MCF2L: variants seen among roughly 807,000 people sequenced by gnomAD.
MCF2L encodes MCF.2 cell line derived transforming sequence like.
MCF2L carries 97 observed loss-of-function variants against 153.4 expected under a neutral mutation model. That is an observed-to-expected ratio of 0.63 (90% CI 0.54 to 0.75). The LOEUF (loss-of-function observed/expected upper bound fraction) is 0.75, where lower values mean the gene tolerates loss of function less well. Ranked by LOEUF, MCF2L falls within the 30% of genes least tolerant of loss-of-function variation. MCF2L has a pLI of 0.00. For synonymous variants in MCF2L, 659 were observed against 632.2 expected (o/e 1.04, Z -0.64); for missense variants, 1,347 against 1,495.2 (o/e 0.90, Z 1.64).
chr13:113,064,444 G>C lies in MCF2L; in HGVS notation c.606+24G>C. The C allele has an allele frequency of 6.7e-7, 1 of 1,501,628 alleles. No individual in the cohort carries two copies. The highest frequency in any genetic ancestry group is 9.2e-7 in the Non-Finnish European group (1 of 1,081,578). 93.0% of individuals were successfully genotyped at this position (1,501,628 alleles called of 1,614,324 possible). On this transcript the variant is annotated intron_variant, in intron 6 of 29. Transcript: ENST00000535094. The surrounding 1 kb of genome is among the most constrained non-coding windows in gnomAD (Gnocchi z 6.0). ...CGGTGAGCCGCGTCGGGGCCAGCGG[G>C]GCTGGCTGATACCAGCTCGAGTACT...
At chr13:113,006,463 T>A (rs1301670856) in intron 1 of MCF2L, among the ~76,000 whole-genome samples, 4 of 152,210 alleles carry the variant, frequency 2.6e-5, no homozygotes, top group Non-Finnish European at 5.9e-5. Flanking sequence ...GGTCCTCATC[T>A]GAACCCCGAG....
At position 113,045,488 on chromosome 13, in the gene MCF2L, C is replaced by A; in HGVS notation, c.369+127C>A. 3.6e-6 allele frequency: 3 copies of A among 844,066 alleles called. No individual in the cohort carries two copies. Among genetic ancestry groups the A allele is most frequent in the Non-Finnish European group, 5.7e-6 (3 of 525,736 alleles). 52.3% of individuals were successfully genotyped at this position (844,066 alleles called of 1,614,324 possible). A position where few individuals can be genotyped will look rare whatever the true frequency, so the allele number is the denominator to read the frequency against. On this transcript the variant is annotated intron_variant, in intron 4 of 29. Coordinates refer to ENST00000535094, the MANE Select transcript of MCF2L (RefSeq NM_001112732.3). The surrounding 1 kb of genome is among the most constrained non-coding windows in gnomAD (Gnocchi z 4.2). ...TGAGTGGGACAGAGCCCAGTCCCGG[C>A]GGGTGGAGGCCGGCGCCAAGGCCCC...
intron 4 of MCF2L, among the ~76,000 whole-genome samples, chr13:113,058,918 T>C (rs1454714901): frequency 6.6e-6 from 1 of 151,832 alleles, no homozygotes; most frequent in Non-Finnish European, 1.5e-5. Context: ...AGGTGCTGAG[T>C]GTTTGGGTGC....
chr13:112,898,331 G>A (rs1051174671), intron 1 of MCF2L, among the ~76,000 whole-genome samples: 4 of 152,220 alleles, frequency 2.6e-5, no homozygotes, highest in South Asian at 2.1e-4. Context: ...CGCTCTACCC[G>A]AGCTGGTTGC....
chr13:112,969,037 G>A (rs529045760), upstream of MCF2L, among the ~76,000 whole-genome samples: 25 of 150,454 alleles, frequency 1.7e-4, no homozygotes, highest in Admixed American at 1.6e-3. This position sits in a 1 kb window ranked among gnomAD's most constrained non-coding sequence, Gnocchi z 4.8. Flanking sequence ...GAGCCCCGGG[G>A]CTCCCCGACG....
At position 112,941,337 on chromosome 13, in the gene MCF2L, T is replaced by C. The variant is rs2140666789; in HGVS notation, c.169+38966T>C. On this transcript the variant is annotated intron_variant, in intron 2 of 29. Coordinates refer to the MCF2L transcript ENST00000375608. The surrounding 1 kb of genome is among the most constrained non-coding windows in gnomAD (Gnocchi z 4.9). ...TATATATTTCATATTATATATTATA[T>C]ATAATTCAAATAGAAATTATATCAA... Among the ~76,000 whole-genome samples the C allele has an allele frequency of 6.7e-6, 1 of 148,918 alleles. No homozygotes were observed. Among genetic ancestry groups the C allele is most frequent in the African/African-American group, 2.4e-5 (1 of 40,992 alleles).
At chr13:112,931,309 A>G (rs544701009) in intron 2 of MCF2L, among the ~76,000 whole-genome samples, 7 of 152,340 alleles carry the variant, frequency 4.6e-5, no homozygotes, top group Non-Finnish European at 1.0e-4. Context: ...AAGAAGCCAC[A>G]CAAACGCCCC....
At chr13:113,095,401 G>A in intron 27 of MCF2L, 1 of 1,105,572 alleles carries the variant, frequency 9.0e-7, no homozygotes, top group Non-Finnish European at 1.1e-6. Flanking sequence ...CGTGAGAACA[G>A]ATGTGGGGGA....
At chr13:112,970,828 T>G (rs1280579861) in intron 1 of MCF2L, among the ~76,000 whole-genome samples, 1 of 152,172 alleles carries the variant, frequency 6.6e-6, no homozygotes, top group Non-Finnish European at 1.5e-5. Flanking sequence ...GCAGTGACAC[T>G]GTCTGCTCAC....
upstream of MCF2L, among the ~76,000 whole-genome samples, chr13:112,966,694 G>A (rs111949325): frequency 0.013 from 1,954 of 152,326 alleles, 37 homozygotes; most frequent in African/African-American, 0.045. This position sits in a 1 kb window ranked among gnomAD's most constrained non-coding sequence, Gnocchi z 4.1. Flanking sequence ...GAGGAAAGAA[G>A]CCAATAGCAT....
Position 113,078,385 on chromosome 13 carries a change from C to T in MCF2L, c.1683C>T (p.Asn561=). The T allele has an allele frequency of 6.2e-7, 1 of 1,613,354 alleles. No individual in the cohort carries two copies. Among genetic ancestry groups the T allele is most frequent in the South Asian group, 1.1e-5 (1 of 91,068 alleles). ...PSPGIRRGSE[N]SSSEGGALRR... ...CAGGCATTCGGCGAGGCTCTGAGAA[C>T]TCCAGCTCCGAGGGCGGTGCGCTCC... Residue 561 remains asparagine, a synonymous_variant, in exon 14 of 30, where the codon AAC becomes AAT. Coordinates refer to ENST00000535094, the MANE Select transcript of MCF2L (RefSeq NM_001112732.3).
intron 1 of MCF2L, among the ~76,000 whole-genome samples, chr13:113,013,328 G>A (rs1457864245): frequency 6.6e-6 from 1 of 152,196 alleles, no homozygotes; most frequent in Non-Finnish European, 1.5e-5. Flanking sequence ...CGCCCTGCAA[G>A]GCTCTGGGGA....
At position 113,064,840 on chromosome 13, in the gene MCF2L, C is replaced by T; in HGVS notation, c.607-96C>T. ...CGTCAGCCGGTCTCACCTGATGGGT[C>T]TGTGTGGGAACGGTTTCCGCCGGTG... On this transcript the variant is annotated intron_variant, in intron 6 of 29. Transcript: ENST00000535094. This position sits in a 1 kb window ranked among gnomAD's most constrained non-coding sequence, Gnocchi z 6.0. 17 of 1,403,174 alleles carry T rather than the reference C, an allele frequency of 1.2e-5. No homozygotes were observed. Among genetic ancestry groups the T allele is most frequent in the Admixed American group, 2.0e-5 (1 of 49,402 alleles). The allele number at this position is 1,403,174 out of a possible 1,614,324, so 86.9% of individuals were successfully genotyped here. A position where few individuals can be genotyped will look rare whatever the true frequency, so the allele number is the denominator to read the frequency against.
chr13:113,051,014 G>T (rs2087275089), intron 4 of MCF2L, among the ~76,000 whole-genome samples: 1 of 152,082 alleles, frequency 6.6e-6, no homozygotes, highest in African/African-American at 2.4e-5. Context: ...CTGCATAACT[G>T]CGGCGACACG....
chr13:113,081,067 C>T (rs1220212366), intron 15 of MCF2L, 146 bp from the exon 16 acceptor site: 3 of 606,386 alleles, frequency 4.9e-6, no homozygotes, highest in Non-Finnish European at 8.2e-6. Flanking sequence ...CCCCGAGGAG[C>T]GTCCAGCCTG....
chr13:112,973,754 C>T (rs980315081), intron 1 of MCF2L, among the ~76,000 whole-genome samples: 39 of 152,202 alleles, frequency 2.6e-4, no homozygotes, highest in African/African-American at 8.7e-4. Context: ...TTGCTTGGAG[C>T]GCCCTTCAGG....
intron 2 of MCF2L, among the ~76,000 whole-genome samples, chr13:113,016,751 G>A (rs1045418473): frequency 6.6e-6 from 1 of 152,202 alleles, no homozygotes; most frequent in Non-Finnish European, 1.5e-5. Flanking sequence ...CTTCCGCGGG[G>A]CTTGTGGCTG....
rs1014045861 is a variant in MCF2L at position 113,088,508 on chromosome 13, C to T, written c.2768-54C>T. Reference sequence around the variant, plus strand: ...CAGTCCCCCCATGCGCAAGGTGCCTCGGCGTTGAAGTAAAGACGCTCGTTC... The same window carrying T: ...CAGTCCCCCCATGCGCAAGGTGCCTTGGCGTTGAAGTAAAGACGCTCGTTC... On this transcript the variant is annotated intron_variant, in intron 24 of 29. Transcript: ENST00000535094. 30 of 1,607,512 alleles carry T rather than the reference C, an allele frequency of 1.9e-5. No homozygotes were observed. In the Admixed American group the frequency reaches 2.7e-4, roughly 14 times the overall value.
upstream of MCF2L, chr13:112,968,498 C>T (rs142227169): frequency 8.0e-4 from 1,269 of 1,584,210 alleles, 8 homozygotes; most frequent in African/African-American, 0.013. Context: ...GCCTGCAGCG[C>T]GCGCTTCCCT....
Sources: gnomAD v4.1 joint callset for allele counts (sites outside exome capture counted in the v4.1 genomes callset) on GRCh38, gnomAD v4.1.1 for gene constraint, Gnocchi (gnomAD v3.1) non-coding constraint, MANE v1.5 for transcripts, NCBI Gene and HGNC (gene_info 2026-07-23, HGNC 2026-07-21) for gene names.